HSPG2: variants seen among roughly 807,000 people sequenced by gnomAD.
HSPG2 encodes the protein basement membrane-specific heparan sulfate proteoglycan core protein.
Under a neutral mutation model 526.6 loss-of-function variants are expected in HSPG2, and 278 were observed. The observed-to-expected ratio is 0.53, with a 90% CI of 0.48 to 0.58. The LOEUF is 0.58. Among genes scored for constraint, HSPG2 ranks in the 20% least tolerant of loss-of-function variants. The pLI is 0.00. For synonymous variants in HSPG2, 2,465 were observed against 2,555.4 expected, an observed-to-expected ratio of 0.96 and a Z score of 1.07; for missense variants, 5,354 against 6,099.5, an observed-to-expected ratio of 0.88 and a Z score of 4.07.
rs1231304642 is a variant in HSPG2, at chr1:21,833,301, T to C, written c.11062A>G (p.Ile3688Val). The stretch of plus-strand genomic sequence containing the variant: ...GAGTCGGGCCGGAAGGTGATCTTGA[T>C]CTCGAACTTCCTGTAGGCATCCTTG... ...TIKDAYRKFE[I>V]KITFRPDSAD... The change falls in exon 80 of 97, where the codon ATC becomes GTC. Residue 3688 changes from isoleucine to valine, a missense_variant. Transcript: ENST00000374695. 1 of 1,614,082 alleles carries C rather than the reference T, an allele frequency of 6.2e-7. No homozygotes were observed. The highest frequency in any genetic ancestry group is 1.1e-5 in the South Asian group (1 of 91,082).
chr1:21,931,099 T>C (rs1644334858), intron 1 of HSPG2, among the ~76,000 whole-genome samples: 1 of 151,050 alleles, frequency 6.6e-6, no homozygotes, highest in African/African-American at 2.4e-5. Context: ...GAAGGGAGAG[T>C]GGTTCTGGGG....
rs775925711 is a variant in HSPG2, at chr1:21,854,951, C to A, written c.6030G>T (p.Leu2010=). The change falls in exon 48 of 97, where the codon CTG becomes CTT. Residue 2010 remains leucine (L), a synonymous_variant. Coordinates refer to ENST00000374695, the MANE Select transcript of HSPG2 (RefSeq NM_005529.7). The stretch of plus-strand genomic sequence containing the variant: ...CAGCAGTCGTGATGGCTGGGATGAG[C>A]AGTGTCGCGATGTCTGTGCGCTCTG... ...ARSERTDIAT[L]LIPAITTADA... is the part of the protein sequence containing the mutation. The A allele has an allele frequency of 1.7e-5, 28 of 1,613,894 alleles. No individual in the cohort carries two copies. Among genetic ancestry groups the A allele is most frequent in the Non-Finnish European group, 2.4e-5 (28 of 1,180,036 alleles).
chr1:21,908,588 T>TA, intron 1 of HSPG2: 2 of 670,310 alleles, frequency 3.0e-6, no homozygotes, highest in South Asian at 1.7e-5. Flanking sequence ...TAATAGGTAT[T>TA]TAAAAAAAAA....
chr1:21,852,226 G>A lies in HSPG2; in HGVS notation c.6732C>T (p.Ile2244=). The A allele has an allele frequency of 1.2e-6, 2 of 1,614,076 alleles. No homozygotes were observed. The highest frequency in any genetic ancestry group is 8.5e-7 in the Non-Finnish European group (1 of 1,180,042). ...ATGAAGACTCGATCCTGACAGGTGG[G>A]ATGGGTCCTGCAGCAGTGGGGATGG... ...TIEASVIPGP[I]PPVRIESSSS... is the part of the protein sequence containing the mutation. The change falls in exon 53 of 97, where the codon ATC becomes ATT. Residue 2244 remains isoleucine (I), a synonymous_variant. Transcript: ENST00000374695.
chr1:21,845,171 C>T (rs1418922812), intron 64 of HSPG2, among the ~76,000 whole-genome samples: 1 of 152,090 alleles, frequency 6.6e-6, no homozygotes, highest in Admixed American at 6.6e-5. Flanking sequence ...GCTTGAACCC[C>T]AGAGGTGGAG....
At chr1:21,885,610 C>T (rs1378373769) in intron 9 of HSPG2, among the ~76,000 whole-genome samples, 159 bp from the exon 10 acceptor site, 7 of 152,190 alleles carry the variant, frequency 4.6e-5, no homozygotes, top group South Asian at 4.1e-4. Context: ...CAGCATGATG[C>T]GGCCACCAGC....
Position 21,890,168 on chromosome 1 carries a change from AG to A in HSPG2, c.414-28del, listed in dbSNP as rs560744538. On this transcript the variant is annotated intron_variant, in intron 5 of 96. Coordinates refer to ENST00000374695, the MANE Select transcript of HSPG2 (RefSeq NM_005529.7). The surrounding 1 kb of genome is among the most constrained non-coding windows in gnomAD (Gnocchi z 4.1). Reference sequence around the variant, plus strand: ...TGGGGATGGAGACAGGCAGGAGAGGAGGGTCAGCGAGACACCTGTGTTCTCA... The same window carrying A: ...TGGGGATGGAGACAGGCAGGAGAGGAGGTCAGCGAGACACCTGTGTTCTCA... The A allele has an allele frequency of 5.4e-5, 87 of 1,613,380 alleles. No individual in the cohort carries two copies. In the African/African-American group the frequency reaches 1.1e-3, roughly 20 times the overall value.
chr1:21,877,715 CTT>C (rs1641190196), intron 21 of HSPG2, among the ~76,000 whole-genome samples: 1 of 152,068 alleles, frequency 6.6e-6, no homozygotes, highest in Non-Finnish European at 1.5e-5. Flanking sequence ...CCAGGCTGGT[CTT>C]GAACTCCTGA....
chr1:21,878,105 A>T, intron 21 of HSPG2, 81 bp downstream of exon 21: 1 of 1,290,528 alleles, frequency 7.7e-7, no homozygotes, highest in African/African-American at 1.5e-5. Context: ...ATCTATGGAG[A>T]GGACGGAGCT....
Position 21,843,324 on chromosome 1 carries a change from C to T in HSPG2, c.8731G>A (p.Glu2911Lys). 6.2e-7 allele frequency: 1 copy of T among 1,614,098 alleles called. No individual in the cohort carries two copies. Among genetic ancestry groups the T allele is most frequent in the Non-Finnish European group, 8.5e-7 (1 of 1,180,036 alleles). Residue 2911 changes from glutamate to lysine, a missense_variant, in exon 66 of 97, where the codon GAG becomes AAG. Coordinates refer to ENST00000374695, the MANE Select transcript of HSPG2 (RefSeq NM_005529.7). ...GGAATGGGTCCTGGGCTGGAGGGCTCAATTGTGACCAGGACAGATGCCTCC... is the reference window on the plus strand; with the variant it reads ...GGAATGGGTCCTGGGCTGGAGGGCTTAATTGTGACCAGGACAGATGCCTCC... ...TLEASVLVTIEPSSPGPIPAP... is the reference protein window; with the variant it reads ...TLEASVLVTIKPSSPGPIPAP...
In HSPG2 at chr1:21,881,424, T is replaced by C; in HGVS notation, c.1733A>G (p.His578Arg). 5 of 1,613,968 alleles carry C rather than the reference T, an allele frequency of 3.1e-6. No individual in the cohort carries two copies. The highest frequency in any genetic ancestry group is 4.2e-6 in the Non-Finnish European group (5 of 1,180,002). The change falls in exon 14 of 97, where the codon CAC (histidine) becomes CGC (arginine). Residue 578 changes from histidine to arginine, a missense_variant. Physicochemically the swap from His to Arg is conservative, Grantham distance 29 (BLOSUM62 0). Transcript: ENST00000374695. ...GGACAGGTCGACTAGCTGGAACTCG[T>C]GCAGGGATGGGTCGATCTGCAGCTG... is the stretch of plus-strand genomic sequence containing the variant. ...STQLQIDPSL[H>R]EFQLVDLSRR...
In HSPG2 at chr1:21,890,733, C is replaced by T. The variant is rs775449059; in HGVS notation, c.245-39G>A. ...GGAGGATCATTTTGAGAGCCCCAGCCTGGCATCTAGTGGCCTTAGGCAGTT... is the reference window on the plus strand; with the variant it reads ...GGAGGATCATTTTGAGAGCCCCAGCTTGGCATCTAGTGGCCTTAGGCAGTT... On this transcript the variant is annotated intron_variant, in intron 3 of 96. Transcript: ENST00000374695. The surrounding 1 kb of genome is among the most constrained non-coding windows in gnomAD (Gnocchi z 4.1). 4 of 1,500,884 alleles carry T rather than the reference C, an allele frequency of 2.7e-6. No individual in the cohort carries two copies. The highest frequency in any genetic ancestry group is 2.3e-5 in the South Asian group (2 of 88,778). The allele number at this position is 1,500,884 out of a possible 1,614,324, so 93.0% of individuals were successfully genotyped here.
At chr1:21,830,843 T>C (rs2098000496) in intron 85 of HSPG2, 139 bp downstream of exon 85, 2 of 653,158 alleles carry the variant, frequency 3.1e-6, no homozygotes, top group Non-Finnish European at 5.5e-6. Context: ...GATGGGTACA[T>C]GGGAGGAGTG....
intron 18 of HSPG2, 85 bp downstream of exon 18, chr1:21,878,909 G>C: frequency 6.7e-7 from 1 of 1,503,386 alleles, no homozygotes; most frequent in Non-Finnish European, 9.1e-7. Context: ...CTGAATCCAA[G>C]TCTCCTGCCT....
rs12076217 is a variant in HSPG2 at position 21,868,812 on chromosome 1, G to A, written c.4222-3003C>T. 9.5e-3 allele frequency: 3,438 copies of A among 361,170 alleles called. 104 individuals carry two copies. The highest frequency in any genetic ancestry group is 0.072 in the African/African-American group (3,246 of 45,172). The allele number at this position is 361,170 out of a possible 1,614,324, so 22.4% of individuals were successfully genotyped here. On this transcript the variant is annotated intron_variant, in intron 33 of 96. Coordinates refer to ENST00000374695, the MANE Select transcript of HSPG2 (RefSeq NM_005529.7). ...TCGGTCTCCCCATTTGTGTCATAAAGGGCCTTGACAAAGGGCCCTCTGATA... is the reference window on the plus strand; with the variant it reads ...TCGGTCTCCCCATTTGTGTCATAAAAGGCCTTGACAAAGGGCCCTCTGATA...
chr1:21,893,525 G>T lies in HSPG2; in HGVS notation c.244+2397C>A, dbSNP rs1019853854. 6.6e-6 allele frequency among the ~76,000 whole-genome samples: 1 copy of T among 152,164 alleles called. No individual in the cohort carries two copies. Among genetic ancestry groups the T allele is most frequent in the Non-Finnish European group, 1.5e-5 (1 of 68,022 alleles). ...GGAGAGAAAAGGAAGAGTGGGGAGA[G>T]AGGATGGGGAGGGAGGCAGAGGGAG... On this transcript the variant is annotated intron_variant, in intron 3 of 96. Coordinates refer to ENST00000374695, the MANE Select transcript of HSPG2 (RefSeq NM_005529.7). This position sits in a 1 kb window ranked among gnomAD's most constrained non-coding sequence, Gnocchi z 4.3.
chr1:21,917,325 C>T (rs375501951), intron 1 of HSPG2, among the ~76,000 whole-genome samples: 5 of 151,890 alleles, frequency 3.3e-5, no homozygotes, highest in South Asian at 2.1e-4. Context: ...CCCAGCTACT[C>T]GGGAGGCTGA....
intron 6 of HSPG2, chr1:21,888,750 C>T: frequency 7.4e-7 from 1 of 1,351,876 alleles, no homozygotes; most frequent in Non-Finnish European, 9.9e-7. Flanking sequence ...GTGGCTGTTC[C>T]ACCTGGGAGC....
At position 21,873,399 on chromosome 1, in the gene HSPG2, G is replaced by C. The variant is rs553560096; in HGVS notation, c.3769C>G (p.Pro1257Ala). 6.2e-7 allele frequency: 1 copy of C among 1,614,140 alleles called. No individual in the cohort carries two copies. The highest frequency in any genetic ancestry group is 1.1e-5 in the South Asian group (1 of 91,074). ...CTCTGGCATGGCTGGCCCTGGCTGG[G>C]GTTGCCATAGTAGCCAGGGGCGCAC... The part of the protein sequence containing the change: ...ERCAPGYYGN[P>A]SQGQPCQRDS... Residue 1257 changes from proline to alanine, a missense_variant, in exon 30 of 97, where the codon CCC becomes GCC. Transcript: ENST00000374695.
Sources: allele counts gnomAD v4.1 joint callset (sites outside exome capture counted in the v4.1 genomes callset), GRCh38; gene constraint gnomAD v4.1.1; non-coding constraint Gnocchi (gnomAD v3.1); transcripts MANE v1.5; gene names NCBI Gene and HGNC (gene_info 2026-07-23, HGNC 2026-07-21).